PTP4A3: variants seen among roughly 807,000 people sequenced by gnomAD.
PTP4A3 encodes protein tyrosine phosphatase type IVA 3.
In PTP4A3, 9 loss-of-function variants were observed where a neutral mutation model predicts 15.2. The ratio of observed to expected loss-of-function variants is 0.59; its 90% CI spans 0.36 to 1.03. PTP4A3 has a LOEUF of 1.03. Among genes scored for constraint, PTP4A3 ranks in the 50% least tolerant of loss-of-function variants. PTP4A3 has a pLI of 0.02. For missense variants in PTP4A3, 234 were observed against 252.1 expected (o/e 0.93, Z 0.49); for synonymous variants, 95 against 102.0 (o/e 0.93, Z 0.41).
Position 141,427,735 on chromosome 8 carries a change from G to T in PTP4A3, c.330-15G>T. 6.5e-7 allele frequency: 1 copy of T among 1,549,150 alleles called. No homozygotes were observed. The highest frequency in any genetic ancestry group is 1.2e-5 in the South Asian group (1 of 84,024). ...CGCAGGCTCCGATGACCCCCGCCCTGCTGTTTGCCCCCAGGGCTCCAGTCC... is the reference window on the plus strand; with the variant it reads ...CGCAGGCTCCGATGACCCCCGCCCTTCTGTTTGCCCCCAGGGCTCCAGTCC... On this transcript the variant is annotated splice_polypyrimidine_tract_variant and intron_variant, in intron 4 of 5. Transcript: ENST00000521578.
intron 1 of PTP4A3, among the ~76,000 whole-genome samples, chr8:141,393,023 G>T (rs949505065): frequency 6.6e-6 from 1 of 152,178 alleles, no homozygotes; most frequent in African/African-American, 2.4e-5. Context: ...GACCCTGGGG[G>T]CCCTGCTCCC....
intron 1 of PTP4A3, among the ~76,000 whole-genome samples, chr8:141,417,527 C>A (rs1009551660): frequency 6.6e-6 from 1 of 152,132 alleles, no homozygotes; most frequent in Non-Finnish European, 1.5e-5. Flanking sequence ...CTGTCCAGGC[C>A]TCCCCACCAG....
chr8:141,417,940 C>T (rs1049826329), intron 1 of PTP4A3, among the ~76,000 whole-genome samples: 6 of 151,832 alleles, frequency 4.0e-5, no homozygotes, highest in Non-Finnish European at 7.4e-5. Context: ...GGCGGAGGGG[C>T]GGCGCCCCGA....
intron 2 of PTP4A3, among the ~76,000 whole-genome samples, chr8:141,423,971 C>T (rs928680179): frequency 6.6e-6 from 1 of 151,504 alleles, no homozygotes; most frequent in Non-Finnish European, 1.5e-5. Context: ...ACTATCAAGG[C>T]TCAGGACGTG....
At chr8:141,429,291 TC>T (rs1833736008) in intron 5 of PTP4A3, among the ~76,000 whole-genome samples, 1 of 152,210 alleles carries the variant, frequency 6.6e-6, no homozygotes, top group Non-Finnish European at 1.5e-5. Context: ...TGCTCCCACT[TC>T]CTTGGCCAGG....
chr8:141,403,217 C>T lies in PTP4A3; in HGVS notation c.-854+11133C>T, dbSNP rs147041778. Among the ~76,000 whole-genome samples the T allele has an allele frequency of 4.7e-3, 711 of 152,308 alleles. 2 individuals carry two copies. Among genetic ancestry groups the T allele is most frequent in the African/African-American group, 0.017 (687 of 41,570 alleles). ...AGTGAAAGAGGGCATGCAACCAGCA[C>T]GCAGCCCCAGAGGAAGGCTGCAGCG... On this transcript the variant is annotated intron_variant, in intron 1 of 5. Transcript: ENST00000521578.
intron 3 of PTP4A3, chr8:141,426,699 G>A: frequency 1.0e-6 from 1 of 975,366 alleles, no homozygotes; most frequent in East Asian, 1.1e-4. Flanking sequence ...GTCCAGGAAG[G>A]CTTCCTGGAG....
chr8:141,430,446 C>T (rs1386864028), intron 5 of PTP4A3, among the ~76,000 whole-genome samples: 4 of 152,046 alleles, frequency 2.6e-5, no homozygotes, highest in African/African-American at 4.8e-5. Context: ...CCCAGGTCCC[C>T]GCTGTAAGGA....
At chr8:141,419,655 T>G (rs1833237168) in intron 1 of PTP4A3, among the ~76,000 whole-genome samples, 1 of 148,176 alleles carries the variant, frequency 6.7e-6, no homozygotes, top group Non-Finnish European at 1.5e-5. Flanking sequence ...CACTGCAACC[T>G]CTGCCTCCAG....
chr8:141,395,187 A>G (rs1832412308), intron 1 of PTP4A3, among the ~76,000 whole-genome samples: 1 of 152,100 alleles, frequency 6.6e-6, no homozygotes, highest in Admixed American at 6.5e-5. Flanking sequence ...ATGGCCCAGT[A>G]GGCGTTCACC....
At position 141,425,247 on chromosome 8, in the gene PTP4A3, C is replaced by G. The variant is rs903718593; in HGVS notation, c.198+107C>G. On this transcript the variant is annotated intron_variant, in intron 3 of 5. Coordinates refer to ENST00000521578, the MANE Select transcript of PTP4A3 (RefSeq NM_032611.3). This position sits in a 1 kb window ranked among gnomAD's most constrained non-coding sequence, Gnocchi z 4.2. The stretch of plus-strand genomic sequence containing the variant: ...GTTTGGTGCCCCTCCTGTGGCAGCC[C>G]TGGGCATGTCTGTGCCTGGGCCACG... 77 of 1,139,682 alleles carry G rather than the reference C, an allele frequency of 6.8e-5. No homozygotes were observed. In the East Asian group the frequency reaches 1.3e-3, roughly 19 times the overall value. 70.6% of individuals were successfully genotyped at this position (1,139,682 alleles called of 1,614,324 possible).
At chr8:141,412,968 C>G (rs550080562) in intron 1 of PTP4A3, among the ~76,000 whole-genome samples, 4 of 152,206 alleles carry the variant, frequency 2.6e-5, no homozygotes, top group Non-Finnish European at 5.9e-5. Flanking sequence ...TTGTGGACCA[C>G]TTTGGGGCCT....
At chr8:141,426,045 G>A (rs555939000) in intron 3 of PTP4A3, among the ~76,000 whole-genome samples, 4 of 152,328 alleles carry the variant, frequency 2.6e-5, no homozygotes, top group Non-Finnish European at 4.4e-5. Context: ...CCACAGCAGC[G>A]GGAGGGATTG....
chr8:141,430,248 G>T, intron 5 of PTP4A3, among the ~76,000 whole-genome samples: 1 of 132,476 alleles, frequency 7.5e-6, no homozygotes, highest in African/African-American at 2.9e-5. Flanking sequence ...TAAGGACCAG[G>T]TGGTGGGGAT....
At chr8:141,413,478 T>C (rs1427109843) in intron 1 of PTP4A3, among the ~76,000 whole-genome samples, 1 of 152,216 alleles carries the variant, frequency 6.6e-6, no homozygotes, top group Non-Finnish European at 1.5e-5. Context: ...TCTGGAATCC[T>C]GGAGCCGCAC....
At chr8:141,429,221 A>G (rs1370254864) in intron 5 of PTP4A3, among the ~76,000 whole-genome samples, 1 of 152,250 alleles carries the variant, frequency 6.6e-6, no homozygotes, top group African/African-American at 2.4e-5. Flanking sequence ...GGAAACGAGC[A>G]CGGTGGAGCC....
chr8:141,429,264 ACTC>A (rs1833733994), intron 5 of PTP4A3, among the ~76,000 whole-genome samples: 1 of 151,972 alleles, frequency 6.6e-6, no homozygotes, highest in Non-Finnish European at 1.5e-5. Context: ...CTGGGCAGAG[ACTC>A]CTCGCGCTAC....
intron 1 of PTP4A3, among the ~76,000 whole-genome samples, chr8:141,407,389 C>G (rs1263962113): frequency 6.6e-6 from 1 of 152,204 alleles, no homozygotes; most frequent in East Asian, 1.9e-4. Context: ...CAACCTTGCA[C>G]AGCCCCCTGG....
rs535765681 is a variant in PTP4A3, at chr8:141,415,326, C to T, written c.-853-6062C>T. Reference sequence around the variant, plus strand: ...CCCCAGTCTTTCCCCACCCCAACTACAGGGCCTGGGTCTCCGTGCGCCATC... The same window carrying T: ...CCCCAGTCTTTCCCCACCCCAACTATAGGGCCTGGGTCTCCGTGCGCCATC... On this transcript the variant is annotated intron_variant, in intron 1 of 5. Coordinates refer to ENST00000521578, the MANE Select transcript of PTP4A3 (RefSeq NM_032611.3). Among the ~76,000 whole-genome samples, 887 of 152,022 alleles carry T rather than the reference C, an allele frequency of 5.8e-3. 3 individuals are homozygous for T. Among genetic ancestry groups the T allele is most frequent in the Non-Finnish European group, 8.0e-3 (541 of 67,926 alleles).
Sources: allele counts gnomAD v4.1 joint callset (sites outside exome capture counted in the v4.1 genomes callset), GRCh38; gene constraint gnomAD v4.1.1; non-coding constraint Gnocchi (gnomAD v3.1); transcripts MANE v1.5; gene names NCBI Gene and HGNC (gene_info 2026-07-23, HGNC 2026-07-21).